RANBP3L: variants seen among roughly 807,000 people sequenced by gnomAD.
RANBP3L encodes RAN binding protein 3 like, also known as ran-binding protein 3-like.
RANBP3L carries 56 observed loss-of-function variants against 67.2 expected under a neutral mutation model. The observed-to-expected ratio is 0.83, with a 90% CI of 0.67 to 1.04. The LOEUF is 1.04. RANBP3L is among the 50% of genes least tolerant of loss of function. The probability of loss-of-function intolerance (pLI) is 0.00; values close to 1 mark genes in which losing one functional copy is unlikely to be tolerated. For synonymous variants in RANBP3L, 164 were observed against 181.4 expected (o/e 0.90, Z 0.77); for missense variants, 496 against 535.5 (o/e 0.93, Z 0.73).
intron 1 of RANBP3L, among the ~76,000 whole-genome samples, chr5:36,283,635 C>T (rs946268797): frequency 2.0e-5 from 3 of 151,876 alleles, no homozygotes; most frequent in African/African-American, 7.3e-5. Flanking sequence ...CAATCGTAGA[C>T]CAAAATAATC....
In RANBP3L at chr5:36,255,608, A is replaced by T. The variant is rs762555350; in HGVS notation, c.904-18T>A. ...CAGTTTATCTAAATGACAATTTTTTAAAATGTCAAATATATAGAAAATTTT... is the reference window on the plus strand; with the variant it reads ...CAGTTTATCTAAATGACAATTTTTTTAAATGTCAAATATATAGAAAATTTT... On this transcript the variant is annotated intron_variant, in intron 10 of 13. Transcript: ENST00000296604. The T allele has an allele frequency of 9.5e-6, 15 of 1,585,362 alleles. No individual in the cohort carries two copies. Among genetic ancestry groups the T allele is most frequent in the African/African-American group, 5.4e-5 (4 of 73,798 alleles).
At chr5:36,254,659 C>G (rs1748842215) in intron 11 of RANBP3L, among the ~76,000 whole-genome samples, 2 of 151,958 alleles carry the variant, frequency 1.3e-5, no homozygotes, top group African/African-American at 2.4e-5. Flanking sequence ...TGAATTATAT[C>G]TCTTAACCAT....
chr5:36,269,901 A>G (rs757671827), intron 3 of RANBP3L, 50 bp downstream of exon 3: 2 of 1,489,562 alleles, frequency 1.3e-6, no homozygotes, highest in South Asian at 2.3e-5. Context: ...GTGTCTGCTA[A>G]TTTTGTTTGT....
intron 1 of RANBP3L, among the ~76,000 whole-genome samples, chr5:36,293,457 A>G (rs1425041987): frequency 6.6e-6 from 1 of 151,860 alleles, no homozygotes; most frequent in African/African-American, 2.4e-5. Flanking sequence ...GAGTGGTGAG[A>G]GAGGTCATCC....
At chr5:36,267,518 A>AAG (rs1749895060) in intron 4 of RANBP3L, among the ~76,000 whole-genome samples, 1 of 148,438 alleles carries the variant, frequency 6.7e-6, no homozygotes, top group African/African-American at 2.5e-5. Flanking sequence ...AAAAAAAAAA[A>AAG]AAAGAAAGAA....
rs558334076 is a variant in RANBP3L, at chr5:36,267,183, T to G, written c.269-1663A>C. ...TGTTGCTCAGTCATGCCTGCAATTATTAATAAGAATACAGATTTATTCATT... is the reference window on the plus strand; with the variant it reads ...TGTTGCTCAGTCATGCCTGCAATTAGTAATAAGAATACAGATTTATTCATT... On this transcript the variant is annotated intron_variant, in intron 4 of 13. Transcript: ENST00000296604. Among the ~76,000 whole-genome samples, 8 of 152,264 alleles carry G rather than the reference T, an allele frequency of 5.3e-5. No homozygotes were observed. In the East Asian group the frequency reaches 1.5e-3, roughly 29 times the overall value.
intron 1 of RANBP3L, among the ~76,000 whole-genome samples, chr5:36,299,769 A>T (rs991906377): frequency 2.4e-4 from 37 of 152,304 alleles, no homozygotes; most frequent in African/African-American, 8.2e-4. Context: ...ATCCATATAA[A>T]GGAACAGTGT....
chr5:36,257,624 A>T, intron 8 of RANBP3L, 68 bp from the exon 9 acceptor site: 1 of 664,216 alleles, frequency 1.5e-6, no homozygotes, highest in Non-Finnish European at 2.5e-6. Context: ...CTATGTTTGC[A>T]GTAAGACACT....
rs180792531 is a variant in RANBP3L at position 36,260,357 on chromosome 5, T to C, written c.669+423A>G. Among the ~76,000 whole-genome samples, 3,241 of 106,502 alleles carry C rather than the reference T, an allele frequency of 0.03. 148 individuals are homozygous for C. The South Asian group carries it at 0.33, about 11-fold the overall frequency. 69.9% of individuals were successfully genotyped at this position (106,502 alleles called of 152,430 possible). A position where few individuals can be genotyped will look rare whatever the true frequency, so the allele number is the denominator to read the frequency against. On this transcript the variant is annotated intron_variant, in intron 8 of 13. Coordinates refer to ENST00000296604, the MANE Select transcript of RANBP3L (RefSeq NM_145000.5). The stretch of plus-strand genomic sequence containing the variant: ...GCCTGGGTGACAGAGCGAGACTCTG[T>C]CTCAAAAAAAAAAAAAAAAAAAACC...
intron 1 of RANBP3L, among the ~76,000 whole-genome samples, chr5:36,289,448 T>G (rs1249758958): frequency 6.6e-6 from 1 of 152,168 alleles, no homozygotes; most frequent in Non-Finnish European, 1.5e-5. Context: ...TGCTGTAATT[T>G]TTATTGAGAT....
intron 1 of RANBP3L, among the ~76,000 whole-genome samples, chr5:36,280,969 G>T (rs1427792174): frequency 6.6e-6 from 1 of 152,078 alleles, no homozygotes; most frequent in Non-Finnish European, 1.5e-5. Flanking sequence ...TGATCACCAA[G>T]GATGCTTCTT....
chr5:36,301,382 A>G lies in RANBP3L; in HGVS notation c.35T>C (p.Leu12Pro). ...TTTACAGGTGTGCAAACTGCCAGGCAGGTGGCTGCTGCCTTTTCTTGGTAT... is the reference window on the plus strand; with the variant it reads ...TTTACAGGTGTGCAAACTGCCAGGCGGGTGGCTGCTGCCTTTTCTTGGTAT... Reference protein sequence around the residue: ...TTIPRKGSSHLPGSLHTCKLK... With the variant: ...TTIPRKGSSHPPGSLHTCKLK... Residue 12 changes from leucine to proline, a missense_variant, in exon 1 of 14, where the codon CTG becomes CCG. Transcript: ENST00000296604. 6.2e-7 allele frequency: 1 copy of G among 1,613,820 alleles called. No individual in the cohort carries two copies. The highest frequency in any genetic ancestry group is 1.3e-5 in the African/African-American group (1 of 75,052).
chr5:36,270,216 C>T (rs1750111979), intron 2 of RANBP3L, among the ~76,000 whole-genome samples: 1 of 152,164 alleles, frequency 6.6e-6, no homozygotes, highest in Admixed American at 6.5e-5. Context: ...TTGTTCAGCA[C>T]ATAGTCAAGA....
chr5:36,295,790 G>T (rs1039630075), intron 1 of RANBP3L, among the ~76,000 whole-genome samples: 1 of 151,290 alleles, frequency 6.6e-6, no homozygotes, highest in Non-Finnish European at 1.5e-5. Flanking sequence ...TATTAGGAAG[G>T]CTTATTATGG....
Position 36,257,078 on chromosome 5 carries a change from G to A in RANBP3L, c.773-7C>T, listed in dbSNP as rs1306309176. On this transcript the variant is annotated splice_region_variant and splice_polypyrimidine_tract_variant and intron_variant, in intron 9 of 13. Coordinates refer to ENST00000296604, the MANE Select transcript of RANBP3L (RefSeq NM_145000.5). ...TTTTTAATAGAGTCTGTTCCTAAGA[G>A]AAAATGGGGAAAAAACACTTAAAAG... 1.2e-6 allele frequency: 2 copies of A among 1,601,760 alleles called. No individual in the cohort carries two copies. The highest frequency in any genetic ancestry group is 4.5e-5 in the East Asian group (2 of 44,606).
At position 36,248,846 on chromosome 5, in the gene RANBP3L, A is replaced by G. The variant is rs1344660151; in HGVS notation, c.*808T>C. On this transcript the variant is annotated 3_prime_UTR_variant, in exon 14 of 14. Coordinates refer to ENST00000296604, the MANE Select transcript of RANBP3L (RefSeq NM_145000.5). ...GAAATTACTGTAGCCTACTATAATA[A>G]TATCATTTAAGAAAAAGATTCATTT... 6.6e-6 allele frequency: 1 copy of G among 152,186 alleles called. No homozygotes were observed. The highest frequency in any genetic ancestry group is 2.4e-5 in the African/African-American group (1 of 41,454). 9.4% of individuals were successfully genotyped at this position (152,186 alleles called of 1,614,324 possible). A position where few individuals can be genotyped will look rare whatever the true frequency, so the allele number is the denominator to read the frequency against.
chr5:36,255,592 T>G lies in RANBP3L; in HGVS notation c.904-2A>C. 1 of 1,597,150 alleles carries G rather than the reference T, an allele frequency of 6.3e-7. No individual in the cohort carries two copies. The highest frequency in any genetic ancestry group is 8.5e-7 in the Non-Finnish European group (1 of 1,172,306). On this transcript the variant is annotated splice_acceptor_variant, in intron 10 of 13. Transcript: ENST00000296604. LOFTEE classifies it high-confidence loss of function. ...GAATATGAAAAGCTTGCAGTTTATCTAAATGACAATTTTTTAAAATGTCAA... is the reference window on the plus strand; with the variant it reads ...GAATATGAAAAGCTTGCAGTTTATCGAAATGACAATTTTTTAAAATGTCAA...
intron 4 of RANBP3L, among the ~76,000 whole-genome samples, 166 bp downstream of exon 4, chr5:36,269,224 C>T (rs1408876744): frequency 6.6e-6 from 1 of 152,186 alleles, no homozygotes; most frequent in African/African-American, 2.4e-5. Context: ...TGTTTAAATA[C>T]TGACTAACTG....
chr5:36,269,037 T>TC (rs1267156966), intron 4 of RANBP3L, among the ~76,000 whole-genome samples: 1 of 152,062 alleles, frequency 6.6e-6, no homozygotes, highest in Non-Finnish European at 1.5e-5. Flanking sequence ...TGGCCTTTTC[T>TC]CCTGCTTACA....
Sources: allele counts gnomAD v4.1 joint callset (sites outside exome capture counted in the v4.1 genomes callset), GRCh38; gene constraint gnomAD v4.1.1; transcripts MANE v1.5; gene names NCBI Gene and HGNC (gene_info 2026-07-23, HGNC 2026-07-21).